Variants in SUMF1 observed in about 807,000 individuals in gnomAD.
The protein encoded by SUMF1 is formylglycine-generating enzyme.
Under a neutral mutation model 47.6 loss-of-function variants are expected in SUMF1, and 48 were observed. The ratio of observed to expected loss-of-function variants is 1.01; its 90% confidence interval spans 0.80 to 1.28. The LOEUF is 1.28. Ranked by LOEUF, SUMF1 falls within the 50% of genes most tolerant of loss-of-function variation. SUMF1 has a pLI of 0.00. For synonymous variants in SUMF1, 230 were observed against 192.1 expected (o/e 1.20, Z -1.63); for missense variants, 571 against 485.4 (o/e 1.18, Z -1.66).
At chr3:4,118,541 G>A (rs1233210238) in intron 8 of SUMF1, among the ~76,000 whole-genome samples, 1 of 152,034 alleles carries the variant, frequency 6.6e-6, no homozygotes, top group Admixed American at 6.6e-5. Flanking sequence ...TACCTATATT[G>A]CTTTAATAAA....
At chr3:4,274,850 G>T (rs1040926580) in intron 8 of SUMF1, among the ~76,000 whole-genome samples, 1 of 152,212 alleles carries the variant, frequency 6.6e-6, no homozygotes, top group African/African-American at 2.4e-5. Context: ...TTCTGCAGAA[G>T]CAGCTGTCAA....
chr3:4,299,291 G>T (rs1697917269), intron 8 of SUMF1, among the ~76,000 whole-genome samples: 1 of 152,204 alleles, frequency 6.6e-6, no homozygotes, highest in Non-Finnish European at 1.5e-5. Flanking sequence ...TCTGTGACCT[G>T]CTGTGTGGAC....
At position 4,418,054 on chromosome 3, in the gene SUMF1, C is replaced by G. The variant is rs373658479; in HGVS notation, c.681G>C (p.Thr227=). The G allele has an allele frequency of 1.2e-6, 2 of 1,614,028 alleles. No individual in the cohort carries two copies. Among genetic ancestry groups the G allele is most frequent in the Non-Finnish European group, 1.7e-6 (2 of 1,180,030 alleles). ...GACAGCTGTATTCCCACTCAGCTTC[C>G]GTGGGCAGCCGCTTCCCTGCCCAAG... is the stretch of plus-strand genomic sequence containing the variant. ...YCTWAGKRLP[T]EAEWEYSCRG... The change falls in exon 5 of 9, where the codon ACG becomes ACC. Residue 227 remains threonine (T), a synonymous_variant. Transcript: ENST00000272902.
chr3:4,374,003 C>T (rs969366075), intron 8 of SUMF1, among the ~76,000 whole-genome samples: 1 of 151,274 alleles, frequency 6.6e-6, no homozygotes, highest in Non-Finnish European at 1.5e-5. Flanking sequence ...ATAAAAAACT[C>T]TAAAAAATTA....
At chr3:4,145,687 T>C (rs920455729) in intron 8 of SUMF1, among the ~76,000 whole-genome samples, 6 of 152,228 alleles carry the variant, frequency 3.9e-5, no homozygotes, top group Non-Finnish European at 7.3e-5. Flanking sequence ...CAAAGATTGA[T>C]GGAAAACATA....
chr3:4,072,833 T>C (rs1343001941), intron 8 of SUMF1, among the ~76,000 whole-genome samples: 4 of 152,080 alleles, frequency 2.6e-5, no homozygotes, highest in Non-Finnish European at 5.9e-5. Context: ...TATGGGACTA[T>C]GTGAAAAGAC....
At chr3:4,420,808 A>T (rs745867003) in intron 3 of SUMF1, among the ~76,000 whole-genome samples, 2 of 152,166 alleles carry the variant, frequency 1.3e-5, no homozygotes, top group Admixed American at 6.5e-5. Flanking sequence ...TTAACCCTAC[A>T]ATTAAATGTG....
chr3:4,456,831 CGTGTATATATAT>C (rs2079643514), intron 1 of SUMF1, among the ~76,000 whole-genome samples: 1 of 140,180 alleles, frequency 7.1e-6, no homozygotes, highest in African/African-American at 2.6e-5. Context: ...TGTATATATA[CGTGTATATATAT>C]ACGTGTGTGT....
At chr3:4,165,612 C>G (rs145162076) in intron 8 of SUMF1, among the ~76,000 whole-genome samples, 30 of 152,122 alleles carry the variant, frequency 2.0e-4, no homozygotes, top group Non-Finnish European at 4.0e-4. Context: ...TTTGCCTTCC[C>G]TCTTACAGAA....
chr3:4,412,341 G>A (rs1163066248), intron 6 of SUMF1, among the ~76,000 whole-genome samples: 7 of 152,148 alleles, frequency 4.6e-5, no homozygotes, highest in South Asian at 2.1e-4. Flanking sequence ...AGAGAAACTC[G>A]CAAGAGAGAG....
intron 8 of SUMF1, among the ~76,000 whole-genome samples, chr3:4,265,383 T>C (rs1030051167): frequency 1.3e-5 from 2 of 152,172 alleles, no homozygotes; most frequent in African/African-American, 4.8e-5. Flanking sequence ...ACAACAGTAA[T>C]TTCAAGTGTG....
At chr3:4,235,926 C>A (rs1365836387) in intron 8 of SUMF1, among the ~76,000 whole-genome samples, 1 of 151,988 alleles carries the variant, frequency 6.6e-6, no homozygotes, top group African/African-American at 2.4e-5. Context: ...GAAATACAAG[C>A]ACATGTCTAT....
At chr3:4,259,877 T>C (rs1697047652) in intron 8 of SUMF1, among the ~76,000 whole-genome samples, 1 of 132,128 alleles carries the variant, frequency 7.6e-6, no homozygotes, top group African/African-American at 2.6e-5. Flanking sequence ...CTATTACCAT[T>C]TGTTTAAATT....
intron 8 of SUMF1, among the ~76,000 whole-genome samples, chr3:4,091,035 C>T (rs1032617223): frequency 1.3e-5 from 2 of 151,344 alleles, no homozygotes; most frequent in East Asian, 1.9e-4. Flanking sequence ...GAGCCAAGAT[C>T]GCTCCACTGC....
intron 9 of SUMF1, among the ~76,000 whole-genome samples, chr3:4,059,813 C>T (rs982900593): frequency 7.2e-6 from 1 of 138,898 alleles, no homozygotes; most frequent in African/African-American, 2.5e-5. Flanking sequence ...AAAAAAAAAA[C>T]CTTGAGCTGA....
intron 9 of SUMF1, among the ~76,000 whole-genome samples, chr3:4,058,179 T>C (rs1305628000): frequency 6.6e-6 from 1 of 152,126 alleles, no homozygotes; most frequent in Non-Finnish European, 1.5e-5. Flanking sequence ...CAAATCAAGA[T>C]TTGAATCCAG....
intron 9 of SUMF1, among the ~76,000 whole-genome samples, chr3:4,036,328 T>A (rs1432314673): frequency 6.6e-6 from 1 of 152,170 alleles, no homozygotes; most frequent in Non-Finnish European, 1.5e-5. Context: ...CTATAAACTG[T>A]TATCTTATTT....
chr3:4,133,973 C>T (rs1001275263), intron 8 of SUMF1, among the ~76,000 whole-genome samples: 1 of 151,944 alleles, frequency 6.6e-6, no homozygotes, highest in Admixed American at 6.6e-5. Context: ...TCCTAAATTC[C>T]AATGACTCTT....
At chr3:4,254,383 G>A (rs1270913859) in intron 8 of SUMF1, among the ~76,000 whole-genome samples, 2 of 151,242 alleles carry the variant, frequency 1.3e-5, no homozygotes, top group Admixed American at 1.3e-4. Flanking sequence ...TTAGAAGAAT[G>A]TATAACTAGA....
Sources: gnomAD v4.1 joint callset for allele counts (sites outside exome capture counted in the v4.1 genomes callset) on GRCh38, gnomAD v4.1.1 for gene constraint, MANE v1.5 for transcripts, NCBI Gene and HGNC (gene_info 2026-07-23, HGNC 2026-07-21) for gene names.